GNRH1: variants seen among roughly 807,000 people sequenced by gnomAD.
The protein encoded by GNRH1 is progonadoliberin-1.
In GNRH1, 9 loss-of-function variants were observed where a neutral mutation model predicts 13.6. That is an observed-to-expected ratio of 0.66 (90% confidence interval 0.40 to 1.15). The LOEUF is 1.15. Ranked by LOEUF, GNRH1 falls within the 50% of genes most tolerant of loss-of-function variation. The probability of loss-of-function intolerance (pLI) is 0.01; values close to 1 mark genes in which losing one functional copy is unlikely to be tolerated. For missense variants in GNRH1, 116 were observed against 110.8 expected (o/e 1.05, Z -0.21); for synonymous variants, 44 against 40.1 (o/e 1.10, Z -0.37).
At chr8:25,423,561 T>C in intron 1 of GNRH1, 1 of 567,928 alleles carries the variant, frequency 1.8e-6, no homozygotes, top group South Asian at 2.0e-5. Context: ...TTCAGGACCT[T>C]TTTAGTACTA....
intron 2 of GNRH1, among the ~76,000 whole-genome samples, 163 bp downstream of exon 2, chr8:25,423,027 C>G (rs1044907773): frequency 1.1e-4 from 17 of 152,190 alleles, no homozygotes; most frequent in Admixed American, 5.2e-4. Context: ...CCTGTGTGAA[C>G]TGAAAGTAGG....
chr8:25,420,543 G>T (rs940006509), intron 3 of GNRH1, among the ~76,000 whole-genome samples: 3 of 152,090 alleles, frequency 2.0e-5, no homozygotes, highest in Non-Finnish European at 4.4e-5. Flanking sequence ...ATCATTAACT[G>T]TAATGCCTTC....
At chr8:25,420,993 C>T (rs1876281) in intron 3 of GNRH1, among the ~76,000 whole-genome samples, 60,142 of 151,758 alleles carry the variant, frequency 0.4, 12,215 homozygotes, top group Admixed American at 0.5. Flanking sequence ...TTTTGGGGGG[C>T]GGAATTTGGA....
intron 2 of GNRH1, among the ~76,000 whole-genome samples, chr8:25,422,158 T>C (rs758565070): frequency 4.6e-5 from 7 of 152,170 alleles, no homozygotes; most frequent in Non-Finnish European, 1.0e-4. Context: ...GATAATTCCT[T>C]CCAATGATAA....
At chr8:25,419,984 G>C (rs571549741) in intron 3 of GNRH1, among the ~76,000 whole-genome samples, 5 of 152,102 alleles carry the variant, frequency 3.3e-5, no homozygotes, top group Non-Finnish European at 7.3e-5. Flanking sequence ...AGGATGAGTT[G>C]TGAGGAAGGA....
upstream of GNRH1, chr8:25,424,722 T>C (rs1276755199): frequency 1.3e-5 from 2 of 152,118 alleles, no homozygotes; most frequent in Admixed American, 1.3e-4. Context: ...GGGTGTAGAC[T>C]AGATGGACTA....
rs752903474 is a variant in GNRH1 at position 25,419,377 on chromosome 8, T to G, written c.*42A>C. The G allele has an allele frequency of 1.9e-6, 2 of 1,050,358 alleles. No homozygotes were observed. Among genetic ancestry groups the G allele is most frequent in the Non-Finnish European group, 3.0e-6 (2 of 664,896 alleles). 65.1% of individuals were successfully genotyped at this position (1,050,358 alleles called of 1,614,324 possible). ...AAATTTTCAATGTCAGAATTATACT[T>G]AAGTCATGTTAGTAATGGTCATTCC... On this transcript the variant is annotated 3_prime_UTR_variant, in exon 4 of 4. Transcript: ENST00000421054.
At chr8:25,421,989 A>G (rs1399218352) in intron 2 of GNRH1, among the ~76,000 whole-genome samples, 4 of 137,510 alleles carry the variant, frequency 2.9e-5, no homozygotes, top group African/African-American at 5.8e-5. Context: ...AACCCCCAAG[A>G]GTTTATAGTT....
chr8:25,419,600 A>T, intron 3 of GNRH1, 140 bp from the exon 4 acceptor site: 3 of 638,450 alleles, frequency 4.7e-6, no homozygotes, highest in Non-Finnish European at 8.4e-6. Context: ...CTAGGGAGAC[A>T]TGATAAATTG....
intron 2 of GNRH1, among the ~76,000 whole-genome samples, chr8:25,422,803 A>G (rs747011446): frequency 6.6e-6 from 1 of 152,164 alleles, no homozygotes; most frequent in Non-Finnish European, 1.5e-5. Flanking sequence ...ATCTAATAGC[A>G]TAGATATGTT....
intron 3 of GNRH1, among the ~76,000 whole-genome samples, chr8:25,420,591 A>G (rs867634619): frequency 1.3e-5 from 2 of 152,042 alleles, no homozygotes; most frequent in South Asian, 4.1e-4. Flanking sequence ...AGATCAGAGA[A>G]TATCAACATT....
chr8:25,420,914 A>G (rs1360845464), intron 3 of GNRH1, among the ~76,000 whole-genome samples: 1 of 152,186 alleles, frequency 6.6e-6, no homozygotes, highest in Non-Finnish European at 1.5e-5. Context: ...TTTTTAAAAG[A>G]TTCAATTTAT....
Position 25,424,205 on chromosome 8 carries a change from T to C in GNRH1, c.-6A>G, listed in dbSNP as rs1232020107. 6.6e-6 allele frequency: 1 copy of C among 152,198 alleles called. No individual in the cohort carries two copies. The highest frequency in any genetic ancestry group is 1.5e-5 in the Non-Finnish European group (1 of 68,034). 9.4% of individuals were successfully genotyped at this position (152,198 alleles called of 1,614,324 possible). On this transcript the variant is annotated 5_prime_UTR_variant, in exon 1 of 4. Transcript: ENST00000421054. ...AAATAATACAAAGCCTTTTACCTGT[T>C]TAGAGGCAGAGAGCCAAAAAGATCC...
At chr8:25,424,789 A>G (rs1801821041), upstream of GNRH1, 1 of 152,216 alleles carries the variant, frequency 6.6e-6, no homozygotes, top group Non-Finnish European at 1.5e-5. Flanking sequence ...AAGTGACACT[A>G]TATACCAAGT....
At chr8:25,424,852 C>T (rs577763337), upstream of GNRH1, among the ~76,000 whole-genome samples, 1 of 152,316 alleles carries the variant, frequency 6.6e-6, no homozygotes. Context: ...CCCTCATCTA[C>T]CCACCAGGTT....
In GNRH1 at chr8:25,423,177, G is replaced by A; in HGVS notation, c.141+13C>T. 1 of 1,586,672 alleles carries A rather than the reference G, an allele frequency of 6.3e-7. No homozygotes were observed. Among genetic ancestry groups the A allele is most frequent in the Admixed American group, 1.7e-5 (1 of 59,972 alleles). ...AATCACTATGTCTTATTTTGAAGCT[G>A]AGAGAAACTTACCTCTTGGAAAGAA... is the stretch of plus-strand genomic sequence containing the variant. On this transcript the variant is annotated intron_variant, in intron 2 of 3. Coordinates refer to ENST00000421054, the MANE Select transcript of GNRH1 (RefSeq NM_001083111.2).
At chr8:25,422,061 T>C (rs1007750496) in intron 2 of GNRH1, among the ~76,000 whole-genome samples, 1 of 152,202 alleles carries the variant, frequency 6.6e-6, no homozygotes, top group Non-Finnish European at 1.5e-5. Flanking sequence ...TCAATGAGAT[T>C]TGCTTCATGT....
intron 3 of GNRH1, among the ~76,000 whole-genome samples, chr8:25,420,153 T>C (rs1004129865): frequency 1.3e-5 from 2 of 152,160 alleles, no homozygotes; most frequent in Admixed American, 1.3e-4. Context: ...TGGTGGCTCA[T>C]GCCTGTAATC....
intron 1 of GNRH1, chr8:25,423,643 A>T (rs1368170254): frequency 2.9e-6 from 1 of 347,308 alleles, no homozygotes; most frequent in African/African-American, 2.1e-5. Flanking sequence ...CAAGTTCATC[A>T]TTTTGCCTTA....
Sources: allele counts gnomAD v4.1 joint callset (sites outside exome capture counted in the v4.1 genomes callset), GRCh38; gene constraint gnomAD v4.1.1; transcripts MANE v1.5; gene names NCBI Gene and HGNC (gene_info 2026-07-23, HGNC 2026-07-21).